Variants in MAGI2 observed in about 807,000 individuals in gnomAD.
The protein encoded by MAGI2 is membrane-associated guanylate kinase, WW and PDZ domain-containing protein 2.
Under a neutral mutation model 133.3 loss-of-function variants are expected in MAGI2, and 35 were observed. That is an observed-to-expected ratio of 0.26 (90% CI 0.20 to 0.35). MAGI2 has a LOEUF of 0.35. Ranked by LOEUF, MAGI2 falls within the 10% of genes least tolerant of loss-of-function variation. The pLI, the probability that MAGI2 is intolerant of heterozygous loss-of-function variation, is 1.00. For synonymous variants in MAGI2, 729 were observed against 710.6 expected, an observed-to-expected ratio of 1.03 and a Z score of -0.41; for missense variants, 1,636 against 1,863.4, an observed-to-expected ratio of 0.88 and a Z score of 2.25.
chr7:79,349,342 A>G (rs1841537252), intron 1 of MAGI2, among the ~76,000 whole-genome samples: 1 of 151,972 alleles, frequency 6.6e-6, no homozygotes. Flanking sequence ...ATATTAGGAA[A>G]TCTGGTTGCT....
At chr7:79,222,963 C>T (rs561268197) in intron 1 of MAGI2, among the ~76,000 whole-genome samples, 2 of 152,060 alleles carry the variant, frequency 1.3e-5, no homozygotes, top group Admixed American at 6.5e-5. Context: ...CGGCTCACTG[C>T]AAGCTCCGCC....
chr7:78,076,091 C>T (rs1258844638), intron 21 of MAGI2, among the ~76,000 whole-genome samples: 2 of 152,158 alleles, frequency 1.3e-5, no homozygotes, highest in Non-Finnish European at 1.5e-5. Flanking sequence ...TAATGTTCCA[C>T]TTTAGAAGAA....
At chr7:78,281,575 G>C (rs1211780976) in intron 9 of MAGI2, among the ~76,000 whole-genome samples, 3 of 152,058 alleles carry the variant, frequency 2.0e-5, no homozygotes, top group Non-Finnish European at 4.4e-5. Context: ...CTTTCCTTTA[G>C]AAATTACCCA....
intron 7 of MAGI2, among the ~76,000 whole-genome samples, chr7:78,354,668 C>T (rs1791876479): frequency 6.6e-6 from 1 of 152,160 alleles, no homozygotes; most frequent in African/African-American, 2.4e-5. Flanking sequence ...TTCTTGACTA[C>T]TGAGTCTTTA....
Position 78,019,756 on chromosome 7 carries a change from G to A in MAGI2, c.3927C>T (p.Arg1309=). Residue 1309 remains arginine, a synonymous_variant, in exon 22 of 22, where the codon CGC becomes CGT. Transcript: ENST00000354212. ...CCGAGCGCTCCCTCTGCTCCCCGAGGCGCTGCTTCTTCTGGCCGCAGGCTG... is the reference window on the plus strand; with the variant it reads ...CCGAGCGCTCCCTCTGCTCCCCGAGACGCTGCTTCTTCTGGCCGCAGGCTG... The part of the protein sequence containing the change: ...ELSACGQKKQ[R]LGEQRERSAS... The A allele has an allele frequency of 6.2e-7, 1 of 1,612,270 alleles. No homozygotes were observed. Among genetic ancestry groups the A allele is most frequent in the Admixed American group, 1.7e-5 (1 of 59,984 alleles).
intron 6 of MAGI2, chr7:78,487,093 T>G: frequency 2.8e-6 from 1 of 363,334 alleles, no homozygotes; most frequent in South Asian, 2.4e-5. Context: ...TGTTCTCCTG[T>G]GTATCACACT....
chr7:78,396,790 G>T (rs1472289359), intron 6 of MAGI2, among the ~76,000 whole-genome samples: 1 of 152,134 alleles, frequency 6.6e-6, no homozygotes, highest in Non-Finnish European at 1.5e-5. Flanking sequence ...GTGATGTGAT[G>T]TCTGAAAGGA....
intron 3 of MAGI2, among the ~76,000 whole-genome samples, chr7:78,573,313 A>AATATATATATTTAT (rs1563189185): frequency 1.2e-4 from 5 of 43,462 alleles, no homozygotes; most frequent in South Asian, 5.6e-4. Context: ...TATATATATA[A>AATATATATATTTAT]ATATATAAAT....
intron 16 of MAGI2, among the ~76,000 whole-genome samples, chr7:78,145,238 T>C (rs1195029209): frequency 6.6e-6 from 1 of 152,204 alleles, no homozygotes; most frequent in Non-Finnish European, 1.5e-5. Flanking sequence ...GCATTACTAT[T>C]GAGAGGCCTG....
At chr7:78,833,627 G>A (rs1791381047) in intron 2 of MAGI2, among the ~76,000 whole-genome samples, 1 of 152,136 alleles carries the variant, frequency 6.6e-6, no homozygotes, top group Admixed American at 6.5e-5. Flanking sequence ...GAACCAAAAG[G>A]CTCAATGCCT....
chr7:78,125,444 T>G (rs982546556), intron 20 of MAGI2, among the ~76,000 whole-genome samples: 3 of 152,244 alleles, frequency 2.0e-5, no homozygotes, highest in Non-Finnish European at 1.5e-5. Context: ...TAGATTTCTT[T>G]CATTTGCTCT....
At chr7:78,740,542 GCA>G (rs974368859) in intron 2 of MAGI2, among the ~76,000 whole-genome samples, 3 of 152,098 alleles carry the variant, frequency 2.0e-5, no homozygotes, top group African/African-American at 7.2e-5. Flanking sequence ...TTAAATAACA[GCA>G]CAGTTATGTC....
At chr7:78,367,395 C>A (rs2215377) in intron 7 of MAGI2, among the ~76,000 whole-genome samples, 1 of 152,090 alleles carries the variant, frequency 6.6e-6, no homozygotes, top group South Asian at 2.1e-4. Context: ...GAAAAAACAA[C>A]CGGAAGAATT....
At chr7:79,400,096 C>A (rs1369447047) in intron 1 of MAGI2, among the ~76,000 whole-genome samples, 9 of 152,100 alleles carry the variant, frequency 5.9e-5, no homozygotes, top group Admixed American at 5.9e-4. Context: ...TTTTTCTCGA[C>A]CCTTTCCTTT....
At chr7:78,785,120 G>A (rs564617567) in intron 2 of MAGI2, among the ~76,000 whole-genome samples, 1 of 152,160 alleles carries the variant, frequency 6.6e-6, no homozygotes, top group African/African-American at 2.4e-5. Flanking sequence ...AAACAATAAA[G>A]TTATCACCCT....
intron 3 of MAGI2, among the ~76,000 whole-genome samples, chr7:78,535,914 C>G (rs1195153537): frequency 2.0e-5 from 3 of 146,360 alleles, no homozygotes; most frequent in Non-Finnish European, 4.5e-5. Flanking sequence ...CAGGAACTGA[C>G]TCAGCACAAG....
intron 3 of MAGI2, among the ~76,000 whole-genome samples, chr7:78,524,544 TCTTA>T (rs1284845079): frequency 6.6e-6 from 1 of 152,208 alleles, no homozygotes; most frequent in African/African-American, 2.4e-5. Context: ...GTAAAGTGGT[TCTTA>T]TCCACATACT....
At chr7:79,255,590 T>C (rs1455730957) in intron 1 of MAGI2, among the ~76,000 whole-genome samples, 1 of 152,174 alleles carries the variant, frequency 6.6e-6, no homozygotes. Context: ...AAGAAAATTT[T>C]AGAAAATAGT....
chr7:79,018,601 G>A (rs754553596), intron 1 of MAGI2, among the ~76,000 whole-genome samples: 6 of 152,124 alleles, frequency 3.9e-5, no homozygotes, highest in Non-Finnish European at 4.4e-5. Flanking sequence ...GCACAGAGTG[G>A]CAAGTTGAAT....
Sources: allele counts gnomAD v4.1 joint callset (sites outside exome capture counted in the v4.1 genomes callset), GRCh38; gene constraint gnomAD v4.1.1; transcripts MANE v1.5; gene names NCBI Gene and HGNC (gene_info 2026-07-23, HGNC 2026-07-21).